The following TENM3 variants were observed in gnomAD, a reference collection of about 807,000 sequenced individuals.
TENM3 encodes teneurin transmembrane protein 3.
TENM3 carries 63 observed loss-of-function variants against 255.1 expected under a neutral mutation model. The observed-to-expected ratio is 0.25, with a 90% confidence interval of 0.20 to 0.30. The LOEUF is 0.30. Ranked by LOEUF, TENM3 falls within the 10% of genes least tolerant of loss-of-function variation. The pLI is 1.00. For synonymous variants in TENM3, 1,306 were observed against 1,322.3 expected, an observed-to-expected ratio of 0.99 and a Z score of 0.27; for missense variants, 2,929 against 3,461.1, an observed-to-expected ratio of 0.85 and a Z score of 3.86.
intron 4 of TENM3, among the ~76,000 whole-genome samples, chr4:182,610,909 A>AC (rs1748936955): frequency 7.4e-6 from 1 of 135,594 alleles, no homozygotes; most frequent in African/African-American, 2.7e-5. Flanking sequence ...ATGCCCAGCT[A>AC]ATTTTTTTTT....
the TENM3 span, among the ~76,000 whole-genome samples, chr4:181,755,952 G>A: frequency 7.2e-5 from 11 of 152,052 alleles, no homozygotes; most frequent in Non-Finnish European, 1.5e-4. Context: ...GATCTCTGGT[G>A]CACTGTCACG....
At chr4:181,954,043 A>G in the TENM3 span, among the ~76,000 whole-genome samples, 1 of 152,208 alleles carries the variant, frequency 6.6e-6, no homozygotes, top group Non-Finnish European at 1.5e-5. Flanking sequence ...CTTTTGCTAG[A>G]ATTTCATTTA....
At chr4:182,071,371 T>C in the TENM3 span, among the ~76,000 whole-genome samples, 7 of 152,170 alleles carry the variant, frequency 4.6e-5, no homozygotes, top group African/African-American at 1.4e-4. Flanking sequence ...TTCTTGCAGA[T>C]TCAAAGTGTG....
intron 7 of TENM3, among the ~76,000 whole-genome samples, chr4:182,675,599 A>G (rs760936167): frequency 2.1e-4 from 32 of 152,136 alleles, no homozygotes; most frequent in African/African-American, 7.0e-4. Context: ...AACTTCAATT[A>G]TAGTAGACAG....
the TENM3 span, among the ~76,000 whole-genome samples, chr4:182,015,662 G>A: frequency 6.6e-6 from 1 of 152,112 alleles, no homozygotes; most frequent in Non-Finnish European, 1.5e-5. Flanking sequence ...CTGGGTTCAA[G>A]TGATTCTCCT....
chr4:182,074,263 C>T, the TENM3 span, among the ~76,000 whole-genome samples: 55 of 152,258 alleles, frequency 3.6e-4, no homozygotes, highest in Admixed American at 6.5e-4. Flanking sequence ...GGCTCTGCTG[C>T]CTGTTTATGG....
the TENM3 span, among the ~76,000 whole-genome samples, chr4:181,866,413 C>T: frequency 1.1e-4 from 16 of 152,178 alleles, no homozygotes; most frequent in Admixed American, 9.8e-4. Context: ...TGCTTTGTTT[C>T]TTCGGCATAT....
the TENM3 span, among the ~76,000 whole-genome samples, chr4:181,811,696 T>G: frequency 6.6e-6 from 1 of 152,206 alleles, no homozygotes; most frequent in African/African-American, 2.4e-5. Flanking sequence ...GAACTCCTAC[T>G]TATAAAACCA....
chr4:181,520,033 G>A, the TENM3 span, among the ~76,000 whole-genome samples: 1 of 152,200 alleles, frequency 6.6e-6, no homozygotes, highest in African/African-American at 2.4e-5. Context: ...GGCCTGTGAG[G>A]CCGCCTGGCC....
the TENM3 span, among the ~76,000 whole-genome samples, chr4:181,511,385 G>A: frequency 6.6e-6 from 1 of 152,230 alleles, no homozygotes; most frequent in Admixed American, 6.5e-5. Context: ...GCATGGGTCA[G>A]CAGAAGCTGG....
At chr4:182,465,511 A>G (rs1297979596) in intron 3 of TENM3, among the ~76,000 whole-genome samples, 1 of 152,148 alleles carries the variant, frequency 6.6e-6, no homozygotes, top group Non-Finnish European at 1.5e-5. Flanking sequence ...TGAGATAAAA[A>G]TTTCTGTTGT....
intron 3 of TENM3, among the ~76,000 whole-genome samples, chr4:182,373,512 A>G (rs1766982372): frequency 1.3e-5 from 2 of 152,286 alleles, no homozygotes; most frequent in South Asian, 4.1e-4. Context: ...CAGGAGCAAG[A>G]GAAAGGAGGA....
In TENM3 at chr4:182,754,449, A is replaced by G; in HGVS notation, c.4082A>G (p.Asp1361Gly). The G allele has an allele frequency of 1.9e-6, 3 of 1,611,646 alleles. No individual in the cohort carries two copies. Among genetic ancestry groups the G allele is most frequent in the Non-Finnish European group, 2.5e-6 (3 of 1,178,774 alleles). The part of the protein sequence containing the change: ...NPMDNSIYVL[D>G]NNVVLQITEN... ...ATGGATAACTCCATTTATGTCCTGGATAATAATGTAGTTTTACAGATCACT... is the reference window on the plus strand; with the variant it reads ...ATGGATAACTCCATTTATGTCCTGGGTAATAATGTAGTTTTACAGATCACT... Residue 1361 changes from aspartate (D) to glycine (G), a missense_variant, in exon 22 of 28, where the codon GAT becomes GGT. This residue lies in a region of TENM3 where 1,608 missense variants were observed against 1,884.4 expected (regional missense o/e 0.85). Coordinates refer to ENST00000511685, the MANE Select transcript of TENM3 (RefSeq NM_001080477.4). The surrounding 1 kb of genome is among the most constrained non-coding windows in gnomAD (Gnocchi z 5.1).
chr4:182,154,565 A>C (rs1017921646), intron 1 of TENM3, among the ~76,000 whole-genome samples: 3 of 152,210 alleles, frequency 2.0e-5, no homozygotes, highest in African/African-American at 7.2e-5. Flanking sequence ...TAATGAAGCC[A>C]GATTATCTAT....
intron 3 of TENM3, among the ~76,000 whole-genome samples, chr4:182,528,910 T>G (rs1263821578): frequency 1.3e-5 from 2 of 152,252 alleles, no homozygotes; most frequent in Admixed American, 6.5e-5. Context: ...GGCCACAGGT[T>G]GGACAAGCTG....
chr4:181,470,270 G>A, the TENM3 span, among the ~76,000 whole-genome samples: 1 of 152,100 alleles, frequency 6.6e-6, no homozygotes, highest in Non-Finnish European at 1.5e-5. Flanking sequence ...AGTTTACTGG[G>A]TCTTTGTGGA....
At chr4:182,478,531 T>A (rs1490100321) in intron 3 of TENM3, among the ~76,000 whole-genome samples, 1 of 152,010 alleles carries the variant, frequency 6.6e-6, no homozygotes, top group Non-Finnish European at 1.5e-5. Context: ...TCAAGATTTT[T>A]TTGTAGCCCT....
chr4:182,304,185 A>T (rs968185088), intron 1 of TENM3, among the ~76,000 whole-genome samples: 9 of 151,880 alleles, frequency 5.9e-5, no homozygotes, highest in Non-Finnish European at 5.9e-5. Flanking sequence ...GATGCCCTGA[A>T]GACAATATTA....
At chr4:181,974,930 A>T in the TENM3 span, among the ~76,000 whole-genome samples, 1 of 151,216 alleles carries the variant, frequency 6.6e-6, no homozygotes, top group Non-Finnish European at 1.5e-5. Flanking sequence ...TTCAAACCTC[A>T]CTCCCTTCCC....
Sources: gnomAD v4.1 joint callset for allele counts (sites outside exome capture counted in the v4.1 genomes callset) on GRCh38, gnomAD v4.1.1 for gene constraint, gnomAD v4.1.1 regional missense constraint, Gnocchi (gnomAD v3.1) non-coding constraint, MANE v1.5 for transcripts, NCBI Gene and HGNC (gene_info 2026-07-23, HGNC 2026-07-21) for gene names.